MOSMO: variants seen among roughly 807,000 people sequenced by gnomAD.
The protein encoded by MOSMO is modulator of smoothened protein.
In MOSMO, 5 loss-of-function variants were observed where a neutral mutation model predicts 18.4. The observed-to-expected ratio is 0.27, with a 90% CI of 0.14 to 0.57. MOSMO has a LOEUF of 0.57. MOSMO is among the 20% of genes least tolerant of loss of function. The pLI is 0.92. For missense variants in MOSMO, 138 were observed against 211.8 expected, an observed-to-expected ratio of 0.65 and a Z score of 2.16; for synonymous variants, 82 against 82.3, an observed-to-expected ratio of 1.00 and a Z score of 0.02.
chr16:22,036,880 A>G (rs1344840091), intron 1 of MOSMO, among the ~76,000 whole-genome samples: 1 of 152,204 alleles, frequency 6.6e-6, no homozygotes, highest in Non-Finnish European at 1.5e-5. Context: ...AATATTTTGA[A>G]TTTGAAGAGG....
downstream of MOSMO, chr16:22,092,325 T>G: frequency 3.2e-6 from 1 of 311,652 alleles, no homozygotes; most frequent in Non-Finnish European, 6.2e-6. Context: ...GACTGAGAGG[T>G]TCTGAAATTA....
chr16:22,034,473 G>T (rs763490567), intron 1 of MOSMO, among the ~76,000 whole-genome samples: 3 of 152,024 alleles, frequency 2.0e-5, no homozygotes, highest in Non-Finnish European at 2.9e-5. Context: ...TAATTTTACT[G>T]GATACAGAAG....
intron 1 of MOSMO, among the ~76,000 whole-genome samples, chr16:22,020,351 A>C (rs1184298659): frequency 7.0e-6 from 1 of 142,430 alleles, no homozygotes; most frequent in African/African-American, 2.6e-5. Context: ...CTGGAGTGCA[A>C]TGGCTTGATC....
In MOSMO at chr16:22,036,166, T is replaced by TCC. The variant is rs1401985330; in HGVS notation, c.106+27761_106+27762dup. On this transcript the variant is annotated intron_variant, in intron 1 of 2. Coordinates refer to ENST00000542527, the MANE Select transcript of MOSMO (RefSeq NM_001164579.2). ...TTTTGAGACAGAGTCTCGCTCTCTC[T>TCC]CCCAGGCTACAGTGCAGTGGCCCAA... is the stretch of plus-strand genomic sequence containing the variant. Among the ~76,000 whole-genome samples, 4 of 152,250 alleles carry TCC rather than the reference T, an allele frequency of 2.6e-5. No individual in the cohort carries two copies. The East Asian group carries it at 5.8e-4, about 22-fold the overall frequency.
chr16:22,050,698 TA>T (rs981897470), intron 1 of MOSMO, among the ~76,000 whole-genome samples: 3 of 152,156 alleles, frequency 2.0e-5, no homozygotes, highest in South Asian at 4.2e-4. Context: ...GAAATCATCA[TA>T]GGGGGACCCC....
intron 1 of MOSMO, among the ~76,000 whole-genome samples, chr16:22,037,303 ATAGAAGCCACGGGAAAATG>A (rs1260972653): frequency 6.6e-6 from 1 of 152,142 alleles, no homozygotes; most frequent in African/African-American, 2.4e-5. Context: ...ATTTGATACT[ATAGAAGCCACGGGAAAATG>A]TATTTGCAAG....
At chr16:22,091,225 T>C (rs189186110), downstream of MOSMO, among the ~76,000 whole-genome samples, 32 of 152,286 alleles carry the variant, frequency 2.1e-4, no homozygotes, top group African/African-American at 7.5e-4. Flanking sequence ...TAACAAATGC[T>C]GTGGTCTTAT....
At chr16:22,059,291 CT>C (rs2036586260) in intron 1 of MOSMO, among the ~76,000 whole-genome samples, 1 of 152,070 alleles carries the variant, frequency 6.6e-6, no homozygotes, top group Non-Finnish European at 1.5e-5. Context: ...GTTTAGCTGT[CT>C]GTTCAGATGT....
chr16:22,047,462 T>A (rs1462356288), intron 1 of MOSMO, among the ~76,000 whole-genome samples: 1 of 152,016 alleles, frequency 6.6e-6, no homozygotes, highest in Non-Finnish European at 1.5e-5. Context: ...GCCAGGATGG[T>A]CTTGATCTCC....
At position 22,047,238 on chromosome 16, in the gene MOSMO, ATTTTTTTTTTT is replaced by A. The variant is rs770005970; in HGVS notation, c.107-28234_107-28224del. Among the ~76,000 whole-genome samples the A allele has an allele frequency of 4.5e-5, 5 of 110,818 alleles. No homozygotes were observed. The East Asian group carries it at 1.0e-3, about 23-fold the overall frequency. The allele number at this position is 110,818 out of a possible 152,430, so 72.7% of individuals were successfully genotyped here. A position where few individuals can be genotyped will look rare whatever the true frequency, so the allele number is the denominator to read the frequency against. Reference sequence around the variant, plus strand: ...TATTCTATACTGTTTATGCACCATAATTTTTTTTTTTTTTTTTTTTTTTTTAGACGGAGTCT... The same window carrying A: ...TATTCTATACTGTTTATGCACCATAATTTTTTTTTTTTTTAGACGGAGTCT... On this transcript the variant is annotated intron_variant, in intron 1 of 2. Transcript: ENST00000542527.
rs1377924727 is a variant in MOSMO at position 22,084,326 on chromosome 16, C to T, written c.*3446C>T. ...CTTCATCTTTAAAAAATTAAATTTA[C>T]ATTCACAATTCAAAACAGTAAGCTG... On this transcript the variant is annotated 3_prime_UTR_variant, in exon 3 of 3. Transcript: ENST00000542527. The T allele has an allele frequency of 6.6e-6, 1 of 152,114 alleles. No homozygotes were observed. The highest frequency in any genetic ancestry group is 1.5e-5 in the Non-Finnish European group (1 of 68,034). The allele number at this position is 152,114 out of a possible 1,614,324, so 9.4% of individuals were successfully genotyped here.
chr16:22,076,947 C>A (rs1177064668), intron 2 of MOSMO, among the ~76,000 whole-genome samples: 1 of 152,120 alleles, frequency 6.6e-6, no homozygotes, highest in African/African-American at 2.4e-5. Flanking sequence ...AGTTGGTGAC[C>A]TTTCCCCTGT....
chr16:22,057,997 G>T (rs1900569070), intron 1 of MOSMO, among the ~76,000 whole-genome samples: 1 of 152,016 alleles, frequency 6.6e-6, no homozygotes, highest in African/African-American at 2.4e-5. Flanking sequence ...GATTAGATCT[G>T]TCTGAAAAAA....
chr16:22,088,080 G>A (rs539601638), downstream of MOSMO, among the ~76,000 whole-genome samples: 2 of 151,946 alleles, frequency 1.3e-5, no homozygotes, highest in East Asian at 3.9e-4. Context: ...CCAGACTGGA[G>A]TAAGTGCAAT....
chr16:22,065,589 G>A (rs982011128), intron 1 of MOSMO, among the ~76,000 whole-genome samples: 15 of 152,002 alleles, frequency 9.9e-5, no homozygotes, highest in African/African-American at 3.6e-4. Flanking sequence ...TGTTAAATTG[G>A]TGTGTCTTGT....
chr16:22,038,455 C>A (rs1900149630), intron 1 of MOSMO, among the ~76,000 whole-genome samples: 1 of 151,938 alleles, frequency 6.6e-6, no homozygotes, highest in Non-Finnish European at 1.5e-5. Flanking sequence ...CCTAATAGTA[C>A]CAGAGTGGTA....
rs375276183 is a variant in MOSMO, at chr16:22,031,297, T to TG, written c.106+22894dup. Among the ~76,000 whole-genome samples the TG allele has an allele frequency of 3.8e-4, 58 of 152,318 alleles. 1 individual carries two copies. The highest frequency in any genetic ancestry group is 1.3e-3 in the African/African-American group (55 of 41,578). Reference sequence around the variant, plus strand: ...AGGAGAGGCATCAGATGACTCTGGATGGGGAAACAGGGACTAGGTAATGAA... The same window carrying TG: ...AGGAGAGGCATCAGATGACTCTGGATGGGGGAAACAGGGACTAGGTAATGAA... On this transcript the variant is annotated intron_variant, in intron 1 of 2. Transcript: ENST00000542527.
intron 1 of MOSMO, among the ~76,000 whole-genome samples, chr16:22,025,530 A>G (rs544591946): frequency 6.6e-6 from 1 of 152,188 alleles, no homozygotes; most frequent in African/African-American, 2.4e-5. Flanking sequence ...GAAAAAAGTA[A>G]ATTTCAATAT....
chr16:22,008,630 G>A lies in MOSMO; in HGVS notation c.106+223G>A, dbSNP rs979997639. 2.6e-5 allele frequency among the ~76,000 whole-genome samples: 4 copies of A among 152,156 alleles called. No individual in the cohort carries two copies. In the East Asian group the frequency reaches 7.8e-4, roughly 30 times the overall value. On this transcript the variant is annotated intron_variant, in intron 1 of 2. Transcript: ENST00000542527. ...CGGGCTGAGGGGAGAGGCGCCCCAG[G>A]CCGGGTGAAAAGTGGCCGAGGAGAC... is the stretch of plus-strand genomic sequence containing the variant.
Sources: gnomAD v4.1 joint callset for allele counts (sites outside exome capture counted in the v4.1 genomes callset) on GRCh38, gnomAD v4.1.1 for gene constraint, MANE v1.5 for transcripts, NCBI Gene and HGNC (gene_info 2026-07-23, HGNC 2026-07-21) for gene names.